The following PRKCZ variants were observed in gnomAD, a reference collection of about 807,000 sequenced individuals.
PRKCZ encodes protein kinase C zeta type.
A neutral mutation model predicts 79.5 loss-of-function variants in PRKCZ; 33 were observed. The ratio of observed to expected loss-of-function variants is 0.41; its 90% CI spans 0.31 to 0.55. The LOEUF is 0.55. Ranked by LOEUF, PRKCZ falls within the 20% of genes least tolerant of loss-of-function variation. The pLI is 0.19. For missense variants in PRKCZ, 578 were observed against 813.5 expected, an observed-to-expected ratio of 0.71 and a Z score of 3.52; for synonymous variants, 342 against 320.9, an observed-to-expected ratio of 1.07 and a Z score of -0.70.
chr1:2,053,616 T>G (rs1202005464), intron 1 of PRKCZ, among the ~76,000 whole-genome samples: 1 of 152,092 alleles, frequency 6.6e-6, no homozygotes, highest in Non-Finnish European at 1.5e-5. Flanking sequence ...GCCCTGGGGT[T>G]TTACTGGAGC....
rs565787758 is a variant in PRKCZ at position 2,173,623 on chromosome 1, G to A, written c.1286-274G>A. Reference sequence around the variant, plus strand: ...CGTCCGCAGGTTCCACCAGTGCCTCGTGCCGGTGTGGTCACAGGTGCCCTG... The same window carrying A: ...CGTCCGCAGGTTCCACCAGTGCCTCATGCCGGTGTGGTCACAGGTGCCCTG... On this transcript the variant is annotated intron_variant, in intron 13 of 17. Transcript: ENST00000378567. This position sits in a 1 kb window ranked among gnomAD's most constrained non-coding sequence, Gnocchi z 5.7. Among the ~76,000 whole-genome samples the A allele has an allele frequency of 6.6e-6, 1 of 152,358 alleles. No individual in the cohort carries two copies. Among genetic ancestry groups the A allele is most frequent in the East Asian group, 1.9e-4 (1 of 5,188 alleles).
intron 4 of PRKCZ, among the ~76,000 whole-genome samples, chr1:2,096,029 C>T (rs552081324): frequency 2.4e-4 from 36 of 151,022 alleles, no homozygotes; most frequent in African/African-American, 7.6e-4. Context: ...GTGTGGGGGC[C>T]GGGCCTGTCT....
At chr1:2,083,771 T>A (rs976202533) in intron 4 of PRKCZ, among the ~76,000 whole-genome samples, 7 of 152,088 alleles carry the variant, frequency 4.6e-5, no homozygotes, top group Non-Finnish European at 8.8e-5. Flanking sequence ...TAAACGTGGG[T>A]ATTCTTCTTT....
chr1:2,114,073 C>T (rs1471030107), intron 4 of PRKCZ, among the ~76,000 whole-genome samples: 2 of 152,044 alleles, frequency 1.3e-5, no homozygotes, highest in African/African-American at 2.4e-5. Context: ...TGGCCGGCTG[C>T]GTAAGTTTGT....
Position 2,185,355 on chromosome 1 carries a change from G to A in PRKCZ, c.*346G>A, listed in dbSNP as rs746976501. On this transcript the variant is annotated 3_prime_UTR_variant, in exon 18 of 18. Transcript: ENST00000378567. ...GACCTGCTCCGCCAGGAAAGTGAGC[G>A]TGTAGCGTCCTGAGGAATAAAATGT... 3.1e-5 allele frequency: 22 copies of A among 718,842 alleles called. No individual in the cohort carries two copies. The highest frequency in any genetic ancestry group is 8.7e-5 in the African/African-American group (5 of 57,400). 44.5% of individuals were successfully genotyped at this position (718,842 alleles called of 1,614,324 possible). A position where few individuals can be genotyped will look rare whatever the true frequency, so the allele number is the denominator to read the frequency against.
chr1:2,091,408 G>C (rs1665476437), intron 4 of PRKCZ, among the ~76,000 whole-genome samples: 1 of 152,214 alleles, frequency 6.6e-6, no homozygotes, highest in African/African-American at 2.4e-5. Flanking sequence ...TAAGTGTGTA[G>C]TTCAGTAAAG....
At chr1:2,084,132 C>T (rs1030459310) in intron 4 of PRKCZ, among the ~76,000 whole-genome samples, 18 of 152,252 alleles carry the variant, frequency 1.2e-4, no homozygotes, top group East Asian at 3.9e-4. Flanking sequence ...CCTAGCTACT[C>T]GGGAGGCTGA....
Position 2,053,061 on chromosome 1 carries a change from C to T in PRKCZ, c.71+2360C>T, listed in dbSNP as rs112148321. On this transcript the variant is annotated intron_variant, in intron 1 of 17. Coordinates refer to ENST00000378567, the MANE Select transcript of PRKCZ (RefSeq NM_002744.6). ...ACTCCCACGCTGAGTCTCAGATGCC[C>T]GCTCTTCTAGGGCCACAAACACTGG... Among the ~76,000 whole-genome samples, 455 of 152,058 alleles carry T rather than the reference C, an allele frequency of 3.0e-3. 2 individuals carry two copies. The highest frequency in any genetic ancestry group is 0.011 in the African/African-American group (440 of 41,486).
At position 2,124,939 on chromosome 1, in the gene PRKCZ, G is replaced by A. The variant is rs188289852; in HGVS notation, c.335-10323G>A. On this transcript the variant is annotated intron_variant, in intron 4 of 17. Coordinates refer to ENST00000378567, the MANE Select transcript of PRKCZ (RefSeq NM_002744.6). ...AGGAGGGTTAGACTCCTCGCGTGGC[G>A]TCCCTGGCCACATCCTCAGCGCTGT... Among the ~76,000 whole-genome samples the A allele has an allele frequency of 1.8e-4, 28 of 152,288 alleles. No individual in the cohort carries two copies. In the East Asian group the frequency reaches 5.4e-3, roughly 29 times the overall value.
chr1:2,148,846 C>CCCTT, intron 7 of PRKCZ, 26 bp from the exon 8 acceptor site: 1 of 1,612,568 alleles, frequency 6.2e-7, no homozygotes, highest in Non-Finnish European at 8.5e-7. Context: ...ACCGTAACGC[C>CCCTT]CCTTCCTTCC....
chr1:2,138,661 C>T (rs3128297), intron 5 of PRKCZ, among the ~76,000 whole-genome samples: 13,043 of 152,162 alleles, frequency 0.086, 608 homozygotes, highest in Middle Eastern at 0.12. Flanking sequence ...CAGGGCCCGG[C>T]GCAGTGGCTC....
intron 4 of PRKCZ, among the ~76,000 whole-genome samples, chr1:2,079,560 C>G (rs1315315887): frequency 6.6e-6 from 1 of 152,240 alleles, no homozygotes; most frequent in East Asian, 1.9e-4. Flanking sequence ...GTCCCGGACC[C>G]TCATAAGTGA....
At chr1:2,051,847 C>T (rs1164877274) in intron 1 of PRKCZ, among the ~76,000 whole-genome samples, 1 of 151,984 alleles carries the variant, frequency 6.6e-6, no homozygotes, top group Non-Finnish European at 1.5e-5. Flanking sequence ...GCTCAATTGT[C>T]TCTTCTTTGG....
At chr1:2,069,665 T>G (rs1351584495) in intron 4 of PRKCZ, among the ~76,000 whole-genome samples, 1 of 152,166 alleles carries the variant, frequency 6.6e-6, no homozygotes. Flanking sequence ...GGCGGTCCCC[T>G]GAACCCTGGC....
chr1:2,166,681 C>T (rs527432168), intron 10 of PRKCZ, among the ~76,000 whole-genome samples: 2 of 151,762 alleles, frequency 1.3e-5, no homozygotes, highest in Non-Finnish European at 1.5e-5. Context: ...CTCAGCCCCC[C>T]CCAGGCCACG....
intron 4 of PRKCZ, among the ~76,000 whole-genome samples, chr1:2,086,563 G>A (rs1301412693): frequency 1.3e-5 from 2 of 152,152 alleles, no homozygotes; most frequent in Non-Finnish European, 2.9e-5. Flanking sequence ...GCATCCCCTC[G>A]GCCCTTTCTG....
At position 2,185,362 on chromosome 1, in the gene PRKCZ, G is replaced by T. The variant is rs375608857; in HGVS notation, c.*353G>T. 1.4e-6 allele frequency: 1 copy of T among 718,662 alleles called. No homozygotes were observed. Among genetic ancestry groups the T allele is most frequent in the South Asian group, 1.5e-5 (1 of 67,584 alleles). The allele number at this position is 718,662 out of a possible 1,614,324, so 44.5% of individuals were successfully genotyped here. A position where few individuals can be genotyped will look rare whatever the true frequency, so the allele number is the denominator to read the frequency against. ...TCCGCCAGGAAAGTGAGCGTGTAGC[G>T]TCCTGAGGAATAAAATGTTCCGATG... On this transcript the variant is annotated 3_prime_UTR_variant, in exon 18 of 18. Transcript: ENST00000378567.
intron 5 of PRKCZ, among the ~76,000 whole-genome samples, chr1:2,138,387 A>G (rs1676653128): frequency 6.6e-6 from 1 of 152,100 alleles, no homozygotes; most frequent in Non-Finnish European, 1.5e-5. Context: ...GGTTCTGAAG[A>G]AGGAGGTGAG....
chr1:2,056,040 G>C (rs528279098), intron 2 of PRKCZ, among the ~76,000 whole-genome samples: 63 of 152,360 alleles, frequency 4.1e-4, no homozygotes, highest in Non-Finnish European at 6.8e-4. Flanking sequence ...GGACTGGCGG[G>C]CAGCTCTTGG....
Sources: allele counts gnomAD v4.1 joint callset (sites outside exome capture counted in the v4.1 genomes callset), GRCh38; gene constraint gnomAD v4.1.1; non-coding constraint Gnocchi (gnomAD v3.1); transcripts MANE v1.5; gene names NCBI Gene and HGNC (gene_info 2026-07-23, HGNC 2026-07-21).